The following GSE1 variants were observed in gnomAD, a reference collection of about 807,000 sequenced individuals.
GSE1 encodes the protein Gse1 coiled-coil protein, also known as genetic suppressor element 1.
GSE1 carries 32 observed loss-of-function variants against 112.6 expected under a neutral mutation model. That is an observed-to-expected ratio of 0.28 (90% CI 0.21 to 0.38). The LOEUF is 0.38. Among genes scored for constraint, GSE1 ranks in the 10% least tolerant of loss-of-function variants. The probability of loss-of-function intolerance (pLI) is 1.00; values close to 1 mark genes in which losing one functional copy is unlikely to be tolerated. For missense variants in GSE1, 2,348 were observed against 1,699.2 expected, an observed-to-expected ratio of 1.38 and a Z score of -6.71; for synonymous variants, 1,115 against 735.6, an observed-to-expected ratio of 1.52 and a Z score of -8.35.
At chr16:85,670,220 C>T (rs1018544798) in intron 14 of GSE1, among the ~76,000 whole-genome samples, 1 of 152,218 alleles carries the variant, frequency 6.6e-6, no homozygotes, top group African/African-American at 2.4e-5. Context: ...ATGATCAAAC[C>T]TGCAAATACA....
chr16:85,411,143 G>A (rs1410614749), intron 2 of GSE1, among the ~76,000 whole-genome samples: 1 of 103,572 alleles, frequency 9.7e-6, no homozygotes, highest in Non-Finnish European at 1.8e-5. Flanking sequence ...TTACACTCAG[G>A]GCCCCCCTGG....
intron 1 of GSE1, among the ~76,000 whole-genome samples, chr16:85,615,943 CT>C (rs1221083777): frequency 1.3e-5 from 2 of 152,242 alleles, no homozygotes; most frequent in African/African-American, 2.4e-5. Context: ...GGACACCGCG[CT>C]CACAGCAGGA....
At chr16:85,306,710 G>C (rs2045688821) in intron 1 of GSE1, among the ~76,000 whole-genome samples, 1 of 152,120 alleles carries the variant, frequency 6.6e-6, no homozygotes. Context: ...CACCATGCCT[G>C]GCTGTTTCTA....
chr16:85,366,260 G>A (rs373741648), intron 2 of GSE1, among the ~76,000 whole-genome samples: 11 of 152,372 alleles, frequency 7.2e-5, no homozygotes, highest in South Asian at 2.1e-4. Context: ...CAGCTGCTCC[G>A]GAGGGCACGG....
rs1306122091 is a variant in GSE1, at chr16:85,331,361, GTGTGTATATA to G, written c.2284-26098_2284-26089del. Among the ~76,000 whole-genome samples the G allele has an allele frequency of 8.1e-4, 54 of 67,012 alleles. 9 individuals carry two copies. The highest frequency in any genetic ancestry group is 3.4e-3 in the East Asian group (9 of 2,622). The allele number at this position is 67,012 out of a possible 152,430, so 44.0% of individuals were successfully genotyped here. On this transcript the variant is annotated intron_variant, in intron 1 of 2. Transcript: ENST00000637419. ...TGTGTGTGTGTGTGTGTGTGTGTGT[GTGTGTATATA>G]TGTATATATATGTATATATATGTGT...
intron 1 of GSE1, among the ~76,000 whole-genome samples, chr16:85,273,455 G>A (rs543860477): frequency 9.8e-5 from 15 of 152,318 alleles, no homozygotes; most frequent in African/African-American, 2.9e-4. Context: ...TCTCCATGCC[G>A]TGGAATATTA....
intron 2 of GSE1, among the ~76,000 whole-genome samples, chr16:85,399,039 C>T (rs1374810156): frequency 6.6e-6 from 1 of 152,096 alleles, no homozygotes; most frequent in Non-Finnish European, 1.5e-5. Flanking sequence ...TTGGCAGACA[C>T]ATATGCATGT....
chr16:85,615,960 C>T (rs1252517970), intron 1 of GSE1, among the ~76,000 whole-genome samples: 2 of 152,246 alleles, frequency 1.3e-5, no homozygotes, highest in Non-Finnish European at 2.9e-5. Flanking sequence ...CAGGAAGCCT[C>T]CTCCGATGGC....
At chr16:85,519,191 T>C (rs924723977) in intron 2 of GSE1, among the ~76,000 whole-genome samples, 1 of 139,028 alleles carries the variant, frequency 7.2e-6, no homozygotes, top group Non-Finnish European at 1.7e-5. Flanking sequence ...TTTTCCCCTA[T>C]GACCCTCATC....
chr16:85,350,802 A>C, intron 1 of GSE1, among the ~76,000 whole-genome samples: 1 of 151,624 alleles, frequency 6.6e-6, no homozygotes, highest in South Asian at 2.1e-4. Flanking sequence ...TTCGAGACGG[A>C]CTCTTGCTCT....
intron 2 of GSE1, among the ~76,000 whole-genome samples, chr16:85,535,398 G>T (rs916852783): frequency 6.7e-6 from 1 of 150,158 alleles, no homozygotes; most frequent in Non-Finnish European, 1.5e-5. Context: ...CCTGGCCTCG[G>T]CCTTCCTTCT....
At chr16:85,217,827 C>T (rs1177019218) in intron 1 of GSE1, among the ~76,000 whole-genome samples, 1 of 152,196 alleles carries the variant, frequency 6.6e-6, no homozygotes, top group Non-Finnish European at 1.5e-5. Flanking sequence ...CCCTCCCTGA[C>T]TACCACCTGT....
At chr16:85,539,058 C>T (rs957823774) in intron 2 of GSE1, among the ~76,000 whole-genome samples, 1 of 152,254 alleles carries the variant, frequency 6.6e-6, no homozygotes, top group Middle Eastern at 3.2e-3. Context: ...GGGCATGGCT[C>T]ACCTTCCCCT....
chr16:85,469,699 A>G (rs575508173), intron 2 of GSE1, among the ~76,000 whole-genome samples: 2 of 152,180 alleles, frequency 1.3e-5, no homozygotes, highest in East Asian at 1.9e-4. Flanking sequence ...GAGGCTGGAA[A>G]GTCACTTTCC....
chr16:85,587,443 G>T (rs1182334591), intron 1 of GSE1, among the ~76,000 whole-genome samples: 2 of 152,238 alleles, frequency 1.3e-5, no homozygotes, highest in Non-Finnish European at 2.9e-5. Flanking sequence ...GATCACGGCA[G>T]TGTGCATGTG....
intron 1 of GSE1, among the ~76,000 whole-genome samples, chr16:85,302,896 C>A (rs1042667672): frequency 6.6e-6 from 1 of 152,194 alleles, no homozygotes; most frequent in African/African-American, 2.4e-5. Flanking sequence ...CTCCTTCAAT[C>A]GGGTCCAACG....
chr16:85,627,618 G>A (rs1015916487), intron 1 of GSE1, among the ~76,000 whole-genome samples: 4 of 152,078 alleles, frequency 2.6e-5, no homozygotes, highest in Non-Finnish European at 4.4e-5. Flanking sequence ...GCTCGTTTTC[G>A]CCTGCTGAGC....
intron 2 of GSE1, among the ~76,000 whole-genome samples, chr16:85,462,473 G>A (rs766138521): frequency 2.6e-5 from 4 of 151,904 alleles, no homozygotes; most frequent in Non-Finnish European, 5.9e-5. Flanking sequence ...GCCCAGGTCT[G>A]GGGAGCCCCA....
At chr16:85,597,124 G>A (rs978166235) in intron 1 of GSE1, among the ~76,000 whole-genome samples, 10 of 151,242 alleles carry the variant, frequency 6.6e-5, no homozygotes, top group East Asian at 4.0e-4. Context: ...GATTCCAGGC[G>A]CCCGCCACCA....
Sources: allele counts gnomAD v4.1 joint callset (sites outside exome capture counted in the v4.1 genomes callset), GRCh38; gene constraint gnomAD v4.1.1; transcripts MANE v1.5; gene names NCBI Gene and HGNC (gene_info 2026-07-23, HGNC 2026-07-21).